GUCY1A2: variants seen among roughly 807,000 people sequenced by gnomAD.
GUCY1A2 encodes guanylate cyclase soluble subunit alpha-2.
A neutral mutation model predicts 63.5 loss-of-function variants in GUCY1A2; 27 were observed. That is an observed-to-expected ratio of 0.43 (90% CI 0.31 to 0.59). GUCY1A2 has a LOEUF of 0.59. Ranked by LOEUF, GUCY1A2 falls within the 20% of genes least tolerant of loss-of-function variation. The probability of loss-of-function intolerance (pLI) is 0.11; values close to 1 mark genes in which losing one functional copy is unlikely to be tolerated. For missense variants in GUCY1A2, 768 were observed against 913.3 expected, an observed-to-expected ratio of 0.84 and a Z score of 2.05; for synonymous variants, 364 against 343.5, an observed-to-expected ratio of 1.06 and a Z score of -0.66.
At chr11:106,888,611 C>T (rs920505746) in intron 4 of GUCY1A2, among the ~76,000 whole-genome samples, 5 of 152,160 alleles carry the variant, frequency 3.3e-5, no homozygotes, top group Admixed American at 6.5e-5. Flanking sequence ...AAGAGCTATC[C>T]TTTATAGCCA....
intron 3 of GUCY1A2, among the ~76,000 whole-genome samples, chr11:106,959,038 G>A (rs999402004): frequency 4.6e-5 from 7 of 152,186 alleles, no homozygotes; most frequent in African/African-American, 1.7e-4. Context: ...CATCGTGGGT[G>A]AGGCAACCCT....
chr11:106,942,942 TA>T (rs977404143), intron 3 of GUCY1A2, among the ~76,000 whole-genome samples: 84 of 151,400 alleles, frequency 5.5e-4, no homozygotes, highest in Admixed American at 2.2e-3. Flanking sequence ...GTTGTATTAC[TA>T]AAAAAAAATG....
chr11:106,987,630 G>T (rs1861418863), intron 1 of GUCY1A2, among the ~76,000 whole-genome samples: 1 of 148,438 alleles, frequency 6.7e-6, no homozygotes, highest in Admixed American at 6.8e-5. Flanking sequence ...TCCATTCTGG[G>T]TGACTGAGTG....
chr11:106,850,583 T>G (rs113534410), intron 4 of GUCY1A2, among the ~76,000 whole-genome samples: 119 of 151,938 alleles, frequency 7.8e-4, no homozygotes, highest in African/African-American at 2.9e-3. Context: ...GGCACCCACA[T>G]ATGTGTGACA....
At chr11:106,735,844 C>T (rs1264560385) in intron 6 of GUCY1A2, among the ~76,000 whole-genome samples, 1 of 152,078 alleles carries the variant, frequency 6.6e-6, no homozygotes, top group Non-Finnish European at 1.5e-5. Context: ...GGTTGAGATG[C>T]TCATGGTAGT....
intron 6 of GUCY1A2, among the ~76,000 whole-genome samples, chr11:106,772,699 C>T (rs1211817151): frequency 1.3e-5 from 2 of 152,052 alleles, no homozygotes; most frequent in African/African-American, 4.8e-5. Flanking sequence ...GTTTTGTTCT[C>T]GGGTAATTTA....
chr11:106,888,565 G>A (rs570538320), intron 4 of GUCY1A2, among the ~76,000 whole-genome samples: 3 of 152,264 alleles, frequency 2.0e-5, no homozygotes, highest in East Asian at 3.9e-4. Context: ...AAAGTGACAC[G>A]ATTGTTTTTG....
chr11:106,852,642 G>C (rs1020429803), intron 4 of GUCY1A2, among the ~76,000 whole-genome samples: 1 of 152,052 alleles, frequency 6.6e-6, no homozygotes, highest in Non-Finnish European at 1.5e-5. Flanking sequence ...AACAATCACT[G>C]AATCTCTGGG....
intron 4 of GUCY1A2, among the ~76,000 whole-genome samples, chr11:106,913,080 AT>A (rs1860317160): frequency 6.6e-6 from 1 of 152,126 alleles, no homozygotes. Flanking sequence ...ACAGTTACAA[AT>A]GTAAGTTGAT....
chr11:106,908,739 A>G (rs930308369), intron 4 of GUCY1A2, among the ~76,000 whole-genome samples: 8 of 152,100 alleles, frequency 5.3e-5, no homozygotes, highest in African/African-American at 1.9e-4. Context: ...CCAAGAGGAT[A>G]TAAATAGGTA....
intron 1 of GUCY1A2, among the ~76,000 whole-genome samples, chr11:106,996,407 T>C (rs1013142935): frequency 2.6e-5 from 4 of 152,170 alleles, no homozygotes; most frequent in African/African-American, 9.7e-5. Flanking sequence ...TGAACATCAG[T>C]TCTCACTGGC....
intron 4 of GUCY1A2, among the ~76,000 whole-genome samples, chr11:106,932,603 A>C (rs571688688): frequency 1.7e-4 from 26 of 152,318 alleles, no homozygotes; most frequent in Admixed American, 1.6e-3. Context: ...TATTTTTCAC[A>C]GAACTGGAAA....
At chr11:106,865,266 G>A (rs1009787023) in intron 4 of GUCY1A2, among the ~76,000 whole-genome samples, 1 of 151,884 alleles carries the variant, frequency 6.6e-6, no homozygotes, top group African/African-American at 2.4e-5. Context: ...TTTTTATTGT[G>A]TCCGATTCTT....
chr11:106,963,610 C>T (rs907485137), intron 3 of GUCY1A2, among the ~76,000 whole-genome samples: 3 of 152,092 alleles, frequency 2.0e-5, no homozygotes, highest in African/African-American at 7.2e-5. Context: ...ATCACCAAAT[C>T]ACGTTATAAG....
At chr11:106,817,498 T>C (rs916979950) in intron 4 of GUCY1A2, among the ~76,000 whole-genome samples, 2 of 151,880 alleles carry the variant, frequency 1.3e-5, no homozygotes, top group Non-Finnish European at 1.5e-5. Context: ...TGAGAATAGA[T>C]CAATGAGATT....
chr11:106,769,084 C>CTAAG (rs1864211231), intron 6 of GUCY1A2, among the ~76,000 whole-genome samples: 1 of 152,070 alleles, frequency 6.6e-6, no homozygotes, highest in African/African-American at 2.4e-5. Flanking sequence ...CAAAATCATC[C>CTAAG]TAAGTCTTAA....
intron 4 of GUCY1A2, among the ~76,000 whole-genome samples, chr11:106,937,360 A>C (rs1009540500): frequency 6.6e-6 from 1 of 152,240 alleles, no homozygotes; most frequent in Non-Finnish European, 1.5e-5. Context: ...TGGTATACAA[A>C]TTAAATAGAA....
chr11:106,959,929 G>C (rs1861038316), intron 3 of GUCY1A2, among the ~76,000 whole-genome samples: 1 of 152,202 alleles, frequency 6.6e-6, no homozygotes, highest in Non-Finnish European at 1.5e-5. Context: ...TGCCTGGTGG[G>C]ATCACTGATC....
chr11:106,991,020 TG>T (rs1393515788), intron 1 of GUCY1A2, among the ~76,000 whole-genome samples: 2 of 152,188 alleles, frequency 1.3e-5, no homozygotes, highest in Admixed American at 1.3e-4. Flanking sequence ...GATGGACTCT[TG>T]CTCTGTCGCC....
Sources: gnomAD v4.1 joint callset for allele counts (sites outside exome capture counted in the v4.1 genomes callset) on GRCh38, gnomAD v4.1.1 for gene constraint, MANE v1.5 for transcripts, NCBI Gene and HGNC (gene_info 2026-07-23, HGNC 2026-07-21) for gene names.